Variants in RAB27B observed in about 807,000 individuals in gnomAD.
The protein encoded by RAB27B is RAB27B, member RAS oncogene family.
Under a neutral mutation model 24.6 loss-of-function variants are expected in RAB27B, and 15 were observed. The ratio of observed to expected loss-of-function variants is 0.61; its 90% CI spans 0.41 to 0.94. RAB27B has a LOEUF of 0.94. RAB27B is among the 40% of genes least tolerant of loss of function. RAB27B has a pLI of 0.00. For synonymous variants in RAB27B, 105 were observed against 92.5 expected (o/e 1.14, Z -0.78); for missense variants, 261 against 266.8 (o/e 0.98, Z 0.15).
intron 2 of RAB27B, among the ~76,000 whole-genome samples, chr18:54,738,670 A>G (rs896940537): frequency 6.6e-6 from 1 of 152,160 alleles, no homozygotes; most frequent in Non-Finnish European, 1.5e-5. Context: ...AGACATTGCA[A>G]TCAGATTTTT....
In RAB27B at chr18:54,724,102, T is replaced by C. The variant is rs767963292; in HGVS notation, c.-20+5961T>C. Among the ~76,000 whole-genome samples the C allele has an allele frequency of 8.6e-5, 13 of 151,580 alleles. 1 individual carries two copies. The highest frequency in any genetic ancestry group is 1.9e-4 in the Non-Finnish European group (13 of 67,812). On this transcript the variant is annotated intron_variant, in intron 2 of 4. Coordinates refer to the RAB27B transcript ENST00000586570. ...GTGAGGAGTATCACGTGTGTAAATG[T>C]GGGGAATTTTTATTTACATCAAAAG...
At chr18:54,805,481 T>C (rs1054621710) in intron 2 of RAB27B, among the ~76,000 whole-genome samples, 3 of 152,194 alleles carry the variant, frequency 2.0e-5, no homozygotes, top group African/African-American at 4.8e-5. Flanking sequence ...TAGGTACATA[T>C]ACAAAGCACA....
At chr18:54,776,572 G>T (rs969354618) in intron 2 of RAB27B, among the ~76,000 whole-genome samples, 1 of 152,216 alleles carries the variant, frequency 6.6e-6, no homozygotes, top group Non-Finnish European at 1.5e-5. Flanking sequence ...ACAGAGGATA[G>T]ATTCTAGTGG....
At chr18:54,771,078 G>A (rs886592241) in intron 2 of RAB27B, among the ~76,000 whole-genome samples, 4 of 152,148 alleles carry the variant, frequency 2.6e-5, no homozygotes, top group Non-Finnish European at 4.4e-5. Flanking sequence ...GGATTAGACT[G>A]CAGTAAGATG....
At chr18:54,770,281 T>A (rs1241202937) in intron 2 of RAB27B, among the ~76,000 whole-genome samples, 1 of 152,078 alleles carries the variant, frequency 6.6e-6, no homozygotes, top group Non-Finnish European at 1.5e-5. Context: ...GCTTCTTCTG[T>A]GTTTACAGCC....
chr18:54,791,391 T>G (rs912302053), intron 2 of RAB27B, among the ~76,000 whole-genome samples: 12 of 152,068 alleles, frequency 7.9e-5, no homozygotes, highest in Admixed American at 7.9e-4. Context: ...CAGGGCAACA[T>G]AGTGAGACCC....
chr18:54,856,582 C>T (rs1197178764), intron 1 of RAB27B, among the ~76,000 whole-genome samples: 2 of 152,294 alleles, frequency 1.3e-5, no homozygotes, highest in African/African-American at 4.8e-5. Context: ...AGTGACCATG[C>T]AGTTTATCCA....
upstream of RAB27B, among the ~76,000 whole-genome samples, chr18:54,826,047 G>A (rs2145174960): frequency 1.3e-5 from 2 of 152,254 alleles, no homozygotes; most frequent in South Asian, 4.1e-4. Flanking sequence ...ACAAGTTTAT[G>A]TGTTATTTTA....
chr18:54,850,434 C>T (rs1203171777), intron 1 of RAB27B, among the ~76,000 whole-genome samples: 4 of 149,436 alleles, frequency 2.7e-5, no homozygotes, highest in African/African-American at 9.9e-5. Context: ...TGCAATGGTG[C>T]AATCTCGGCT....
chr18:54,822,364 C>A (rs1168324859), intron 2 of RAB27B, among the ~76,000 whole-genome samples: 4 of 152,106 alleles, frequency 2.6e-5, no homozygotes, highest in Admixed American at 6.5e-5. Context: ...GACATCACAG[C>A]TTGAAGTGTT....
At chr18:54,835,827 C>T (rs1404644305) in intron 1 of RAB27B, among the ~76,000 whole-genome samples, 2 of 151,964 alleles carry the variant, frequency 1.3e-5, no homozygotes, top group Non-Finnish European at 2.9e-5. Flanking sequence ...TTGGCCTATA[C>T]AATCTCCCCA....
chr18:54,787,081 A>G (rs1316248848), intron 2 of RAB27B, among the ~76,000 whole-genome samples: 1 of 152,244 alleles, frequency 6.6e-6, no homozygotes, highest in Non-Finnish European at 1.5e-5. Context: ...GAAACCTCCC[A>G]GTACTAAAGA....
At chr18:54,850,804 T>A (rs559633677) in intron 1 of RAB27B, among the ~76,000 whole-genome samples, 1 of 150,920 alleles carries the variant, frequency 6.6e-6, no homozygotes, top group African/African-American at 2.4e-5. Flanking sequence ...TAAATATTTT[T>A]AAAATTATTA....
At chr18:54,865,386 A>T (rs1429539500) in intron 1 of RAB27B, among the ~76,000 whole-genome samples, 1 of 152,062 alleles carries the variant, frequency 6.6e-6, no homozygotes, top group Non-Finnish European at 1.5e-5. Context: ...CTGTCTGGGG[A>T]AATAACCATG....
chr18:54,868,099 T>C (rs1428871550), intron 1 of RAB27B, among the ~76,000 whole-genome samples: 2 of 152,144 alleles, frequency 1.3e-5, no homozygotes, highest in Non-Finnish European at 2.9e-5. Context: ...AGTGAGTGTG[T>C]TCATACAAGA....
At chr18:54,849,523 A>G (rs1174975117) in intron 1 of RAB27B, among the ~76,000 whole-genome samples, 2 of 152,274 alleles carry the variant, frequency 1.3e-5, no homozygotes, top group South Asian at 2.1e-4. Context: ...GTTCGAGACC[A>G]GCCTGCCCAA....
intron 2 of RAB27B, among the ~76,000 whole-genome samples, chr18:54,791,401 C>A (rs377703210): frequency 7.9e-5 from 12 of 152,232 alleles, no homozygotes; most frequent in Middle Eastern, 3.4e-3. Flanking sequence ...TAGTGAGACC[C>A]CCTCTCTACA....
chr18:54,861,625 G>A (rs1396899054), intron 1 of RAB27B, among the ~76,000 whole-genome samples: 1 of 152,214 alleles, frequency 6.6e-6, no homozygotes, highest in Non-Finnish European at 1.5e-5. Flanking sequence ...GCAGTGAGGA[G>A]TTTCTGGGCT....
At chr18:54,864,908 T>G (rs1912150103) in intron 1 of RAB27B, among the ~76,000 whole-genome samples, 1 of 152,150 alleles carries the variant, frequency 6.6e-6, no homozygotes, top group African/African-American at 2.4e-5. Flanking sequence ...TCATATGAAT[T>G]TTAGGATCAG....
Sources: allele counts gnomAD v4.1 joint callset (sites outside exome capture counted in the v4.1 genomes callset), GRCh38; gene constraint gnomAD v4.1.1; transcripts MANE v1.5; gene names NCBI Gene and HGNC (gene_info 2026-07-23, HGNC 2026-07-21).